The following MYO5B variants were observed in gnomAD, a reference collection of about 807,000 sequenced individuals.
MYO5B encodes the protein unconventional myosin-Vb.
MYO5B carries 143 observed loss-of-function variants against 229.3 expected under a neutral mutation model. That is an observed-to-expected ratio of 0.62 (90% CI 0.54 to 0.72). MYO5B has a LOEUF of 0.72. MYO5B is among the 30% of genes least tolerant of loss of function. MYO5B has a pLI of 0.00. For missense variants in MYO5B, 2,321 were observed against 2,331.0 expected (o/e 1.00, Z 0.09); for synonymous variants, 918 against 885.2 (o/e 1.04, Z -0.66).
intron 1 of MYO5B, among the ~76,000 whole-genome samples, chr18:50,103,920 A>G (rs932364326): frequency 6.6e-6 from 1 of 151,634 alleles, no homozygotes; most frequent in Non-Finnish European, 1.5e-5. Context: ...TTTACAAATT[A>G]TGTTAAATGT....
intron 1 of MYO5B, among the ~76,000 whole-genome samples, chr18:50,193,975 A>C (rs1476019383): frequency 6.6e-6 from 1 of 152,110 alleles, no homozygotes; most frequent in Non-Finnish European, 1.5e-5. Context: ...CCAGCCTCAC[A>C]CATCCCTTCT....
At chr18:50,121,959 T>G (rs1469735597) in intron 1 of MYO5B, among the ~76,000 whole-genome samples, 31 of 152,224 alleles carry the variant, frequency 2.0e-4, no homozygotes, top group Admixed American at 2.0e-3. Context: ...TTGTTTCCTT[T>G]TTCCTACTTC....
chr18:50,036,110 G>C (rs868735163), intron 4 of MYO5B, among the ~76,000 whole-genome samples: 4 of 152,162 alleles, frequency 2.6e-5, no homozygotes, highest in Non-Finnish European at 4.4e-5. Flanking sequence ...GCTCCAAAAA[G>C]TGTTCTCTAG....
chr18:49,953,988 A>G (rs2025460736), intron 13 of MYO5B, among the ~76,000 whole-genome samples: 1 of 147,132 alleles, frequency 6.8e-6, no homozygotes, highest in South Asian at 2.2e-4. Context: ...TATAGACTAT[A>G]TATATACACA....
rs1348709333 is a variant in MYO5B at position 49,984,783 on chromosome 18, G to T, written c.881C>A (p.Thr294Asn). The T allele has an allele frequency of 6.2e-7, 1 of 1,613,952 alleles. No homozygotes were observed. Among genetic ancestry groups the T allele is most frequent in the Non-Finnish European group, 8.5e-7 (1 of 1,179,816 alleles). ...DFFYTSQGGD[T>N]SIEGVDDAED... ...AGCATCGTCCACACCCTCGATGGAAGTGTCTCCTCCCTGTGATGTATAGAA... is the reference window on the plus strand; with the variant it reads ...AGCATCGTCCACACCCTCGATGGAATTGTCTCCTCCCTGTGATGTATAGAA... Residue 294 changes from threonine to asparagine, a missense_variant, in exon 8 of 40, where the codon ACT becomes AAT. By Grantham distance (65) the Thr-to-Asn change is moderately conservative. Coordinates refer to ENST00000285039, the MANE Select transcript of MYO5B (RefSeq NM_001080467.3).
At chr18:50,077,992 T>C (rs543677038) in intron 1 of MYO5B, among the ~76,000 whole-genome samples, 6 of 152,336 alleles carry the variant, frequency 3.9e-5, no homozygotes, top group African/African-American at 1.4e-4. Context: ...CATCACAGCC[T>C]GGACTTATTT....
intron 5 of MYO5B, among the ~76,000 whole-genome samples, chr18:49,998,654 T>A (rs1350429297): frequency 6.6e-6 from 1 of 152,244 alleles, no homozygotes; most frequent in African/African-American, 2.4e-5. Context: ...AAATGTGGTA[T>A]GACCATGCAA....
chr18:49,938,208 A>C (rs1363984347), intron 14 of MYO5B, among the ~76,000 whole-genome samples: 1 of 152,176 alleles, frequency 6.6e-6, no homozygotes, highest in Non-Finnish European at 1.5e-5. Flanking sequence ...TCTCATCAGA[A>C]TAGGGATAAG....
intron 2 of MYO5B, among the ~76,000 whole-genome samples, chr18:50,048,814 G>C (rs1201104420): frequency 6.6e-6 from 1 of 152,142 alleles, no homozygotes; most frequent in Non-Finnish European, 1.5e-5. Flanking sequence ...CCTGAGCTCA[G>C]GAGTTCGAGA....
chr18:49,992,507 G>T (rs1226400077), intron 5 of MYO5B, 76 bp from the exon 6 acceptor site: 1 of 1,595,264 alleles, frequency 6.3e-7, no homozygotes, highest in Non-Finnish European at 8.6e-7. Flanking sequence ...GTTTGTGGCA[G>T]CATGTGTCCC....
chr18:49,869,768 AAG>A, intron 27 of MYO5B, among the ~76,000 whole-genome samples: 1 of 151,396 alleles, frequency 6.6e-6, no homozygotes, highest in East Asian at 2.0e-4. Context: ...GGCTTGTTAA[AAG>A]ACAGATGGGT....
chr18:50,129,193 C>G (rs748672187), intron 1 of MYO5B, among the ~76,000 whole-genome samples: 2 of 152,156 alleles, frequency 1.3e-5, no homozygotes, highest in Non-Finnish European at 2.9e-5. Flanking sequence ...GTGGAGAGGG[C>G]AGGGACTTCC....
chr18:49,895,966 A>C (rs2024774564), intron 21 of MYO5B, among the ~76,000 whole-genome samples: 1 of 152,220 alleles, frequency 6.6e-6, no homozygotes, highest in South Asian at 2.1e-4. Context: ...GAGAGGAAGA[A>C]ATAGGGCTCT....
Position 49,864,138 on chromosome 18 carries a change from T to G in MYO5B, c.3843+3A>C. The G allele has an allele frequency of 6.2e-7, 1 of 1,607,676 alleles. No individual in the cohort carries two copies. The highest frequency in any genetic ancestry group is 1.1e-5 in the South Asian group (1 of 91,070). On this transcript the variant is annotated splice_donor_region_variant and intron_variant, in intron 28 of 39. Coordinates refer to ENST00000285039, the MANE Select transcript of MYO5B (RefSeq NM_001080467.3). ...GCCCCACCGCGGGCCGCCATCTTGT[T>G]ACCGCGTTCCTGCCGGCGAGTCGCC...
chr18:50,143,420 T>C (rs2032448178), intron 1 of MYO5B, among the ~76,000 whole-genome samples: 1 of 152,112 alleles, frequency 6.6e-6, no homozygotes, highest in African/African-American at 2.4e-5. Flanking sequence ...AGAACCACCT[T>C]CTAACAATGT....
At position 49,902,117 on chromosome 18, in the gene MYO5B, G is replaced by A. The variant is rs1294802691; in HGVS notation, c.2811+477C>T. 5.3e-5 allele frequency among the ~76,000 whole-genome samples: 8 copies of A among 152,200 alleles called. No homozygotes were observed. The East Asian group carries it at 1.4e-3, about 26-fold the overall frequency. On this transcript the variant is annotated intron_variant, in intron 21 of 39. Transcript: ENST00000285039. Reference sequence around the variant, plus strand: ...GCATAAATCATTATCTTACAGCTCTGGAGGTCAGGAGTCTGAAGGGGTTGG... The same window carrying A: ...GCATAAATCATTATCTTACAGCTCTAGAGGTCAGGAGTCTGAAGGGGTTGG...
At chr18:49,849,484 G>A (rs913565230) in intron 32 of MYO5B, 83 bp downstream of exon 32, 12 of 965,388 alleles carry the variant, frequency 1.2e-5, no homozygotes, top group Non-Finnish European at 1.9e-5. Flanking sequence ...AGAATGTGCA[G>A]AGGGCAGGCA....
At chr18:49,927,733 C>A (rs1468065913) in intron 17 of MYO5B, among the ~76,000 whole-genome samples, 1 of 152,198 alleles carries the variant, frequency 6.6e-6, no homozygotes, top group African/African-American at 2.4e-5. Flanking sequence ...TTACTCTCTA[C>A]AAAAATCAAC....
At chr18:49,852,356 T>A (rs979899666) in intron 31 of MYO5B, among the ~76,000 whole-genome samples, 2 of 152,168 alleles carry the variant, frequency 1.3e-5, no homozygotes, top group Non-Finnish European at 2.9e-5. Context: ...TTTAACATGG[T>A]GCATTTCTTT....
Sources: gnomAD v4.1 joint callset for allele counts (sites outside exome capture counted in the v4.1 genomes callset) on GRCh38, gnomAD v4.1.1 for gene constraint, MANE v1.5 for transcripts, NCBI Gene and HGNC (gene_info 2026-07-23, HGNC 2026-07-21) for gene names.